MGST3: variants seen among roughly 807,000 people sequenced by gnomAD.
MGST3 encodes the protein microsomal glutathione S-transferase 3.
In MGST3, 13 loss-of-function variants were observed where a neutral mutation model predicts 15.8. That is an observed-to-expected ratio of 0.82 (90% CI 0.54 to 1.31). MGST3 has a LOEUF of 1.31. Among genes scored for constraint, MGST3 ranks in the 50% most tolerant of loss-of-function variants. The pLI, the probability that MGST3 is intolerant of heterozygous loss-of-function variation, is 0.00. For missense variants in MGST3, 155 were observed against 192.4 expected (o/e 0.81, Z 1.15); for synonymous variants, 49 against 68.1 (o/e 0.72, Z 1.38).
intron 3 of MGST3, chr1:165,651,594 A>C (rs1307803198): frequency 6.7e-6 from 2 of 299,276 alleles, no homozygotes; most frequent in African/African-American, 4.4e-5. Flanking sequence ...CTAACTTGGC[A>C]AGGAAGATGT....
intron 1 of MGST3, among the ~76,000 whole-genome samples, chr1:165,637,497 C>T (rs956390511): frequency 6.6e-6 from 1 of 152,144 alleles, no homozygotes; most frequent in South Asian, 2.1e-4. Context: ...TTCTGATGGG[C>T]AGCCAAGAGG....
At chr1:165,637,556 G>A (rs555892025) in intron 1 of MGST3, among the ~76,000 whole-genome samples, 1 of 152,306 alleles carries the variant, frequency 6.6e-6, no homozygotes, top group African/African-American at 2.4e-5. Flanking sequence ...TGTTCTATTG[G>A]ATGTAGTTCA....
intron 1 of MGST3, among the ~76,000 whole-genome samples, chr1:165,638,902 CTGAA>C (rs1648191389): frequency 6.6e-6 from 1 of 152,118 alleles, no homozygotes; most frequent in South Asian, 2.1e-4. Flanking sequence ...AGGAGAGAGA[CTGAA>C]TGCTTCCCCC....
intron 1 of MGST3, among the ~76,000 whole-genome samples, chr1:165,637,336 C>G (rs1460306697): frequency 1.3e-5 from 2 of 152,210 alleles, no homozygotes; most frequent in African/African-American, 2.4e-5. Context: ...ACATAATCTT[C>G]TCTCCCTTAA....
intron 4 of MGST3, among the ~76,000 whole-genome samples, chr1:165,652,432 A>G (rs1239802091): frequency 6.6e-6 from 1 of 152,052 alleles, no homozygotes; most frequent in Non-Finnish European, 1.5e-5. Context: ...CCCTGGTTTC[A>G]TAGAGCTTGC....
chr1:165,650,007 G>A (rs763061417), intron 2 of MGST3, 43 bp downstream of exon 2: 1 of 1,612,456 alleles, frequency 6.2e-7, no homozygotes, highest in Non-Finnish European at 8.5e-7. Context: ...GCTTGTCTGG[G>A]GGCCACAGGC....
At chr1:165,638,383 G>A (rs1024478913) in intron 1 of MGST3, among the ~76,000 whole-genome samples, 2 of 152,034 alleles carry the variant, frequency 1.3e-5, no homozygotes, top group African/African-American at 4.8e-5. Context: ...TGAGGCAGAA[G>A]GATTGCTTGA....
chr1:165,646,473 G>C (rs2101720814), intron 1 of MGST3: 1 of 152,322 alleles, frequency 6.6e-6, no homozygotes, highest in South Asian at 2.1e-4. Flanking sequence ...AGTTTTCTCT[G>C]TGTTCTGAAT....
intron 1 of MGST3, among the ~76,000 whole-genome samples, chr1:165,638,852 A>AG: frequency 6.6e-6 from 1 of 152,304 alleles, no homozygotes; most frequent in South Asian, 2.1e-4. Context: ...TATTCTTAAA[A>AG]GGGGCATCTG....
intron 4 of MGST3, 187 bp from the exon 5 acceptor site, chr1:165,654,092 G>A: frequency 1.6e-6 from 1 of 612,396 alleles, no homozygotes; most frequent in South Asian, 1.8e-5. Context: ...GCCATTCATA[G>A]AAGAATCACA....
At chr1:165,636,574 A>G (rs556419573) in intron 1 of MGST3, among the ~76,000 whole-genome samples, 9 of 152,090 alleles carry the variant, frequency 5.9e-5, no homozygotes, top group Non-Finnish European at 1.3e-4. Flanking sequence ...CATCTCTACT[A>G]AAAATACAAA....
intron 1 of MGST3, chr1:165,648,883 T>A (rs926926200): frequency 6.6e-6 from 1 of 152,228 alleles, no homozygotes; most frequent in African/African-American, 2.4e-5. Flanking sequence ...CTTGGAAACA[T>A]TACTTAACCT....
chr1:165,655,175 T>C (rs1648673687), intron 5 of MGST3, among the ~76,000 whole-genome samples, 193 bp from the exon 6 acceptor site: 1 of 152,214 alleles, frequency 6.6e-6, no homozygotes, highest in Non-Finnish European at 1.5e-5. Context: ...ATCCAAGCAA[T>C]ACTACTGTGG....
chr1:165,632,972 A>G (rs551816830), intron 1 of MGST3, among the ~76,000 whole-genome samples: 38 of 152,374 alleles, frequency 2.5e-4, no homozygotes, highest in Middle Eastern at 3.4e-3. Context: ...GTATTTAAAC[A>G]TATTGTGCCC....
At chr1:165,655,072 C>T (rs1218327695) in intron 5 of MGST3, among the ~76,000 whole-genome samples, 1 of 152,164 alleles carries the variant, frequency 6.6e-6, no homozygotes, top group Non-Finnish European at 1.5e-5. Flanking sequence ...GGAGGAAAAG[C>T]CATTTTTAGC....
At position 165,651,069 on chromosome 1, in the gene MGST3, A is replaced by T; in HGVS notation, c.173A>T (p.Gln58Leu). ...PENGHIFNCI[Q>L]RAHQNTLEVY... ...AATGGGCACATCTTCAACTGCATTC[A>T]GCGAGCCCACCAGAACACGTGAGTG... Residue 58 changes from glutamine to leucine, a missense_variant, in exon 3 of 6, where the codon CAG becomes CTG. Coordinates refer to ENST00000367889, the MANE Select transcript of MGST3 (RefSeq NM_004528.4). The T allele has an allele frequency of 6.2e-7, 1 of 1,614,236 alleles. No individual in the cohort carries two copies. Among genetic ancestry groups the T allele is most frequent in the South Asian group, 1.1e-5 (1 of 91,084 alleles).
At chr1:165,650,963 C>A in intron 2 of MGST3, 51 bp from the exon 3 acceptor site, 1 of 1,516,672 alleles carries the variant, frequency 6.6e-7, no homozygotes, top group Non-Finnish European at 9.2e-7. Flanking sequence ...TAACTTTCAA[C>A]ACTGAATGCT....
At chr1:165,638,139 C>T (rs143915909) in intron 1 of MGST3, among the ~76,000 whole-genome samples, 58 of 152,290 alleles carry the variant, frequency 3.8e-4, no homozygotes, top group Admixed American at 1.2e-3. Flanking sequence ...GCAAGTAATA[C>T]ACTGATAAAT....
intron 1 of MGST3, chr1:165,647,053 G>A (rs1341449032): frequency 6.6e-6 from 1 of 152,258 alleles, no homozygotes; most frequent in Non-Finnish European, 1.5e-5. Context: ...TGTAGCATCA[G>A]ACTCTGGGTA....
Sources: gnomAD v4.1 joint callset for allele counts (sites outside exome capture counted in the v4.1 genomes callset) on GRCh38, gnomAD v4.1.1 for gene constraint, MANE v1.5 for transcripts, NCBI Gene and HGNC (gene_info 2026-07-23, HGNC 2026-07-21) for gene names.